The following GAP43 variants were observed in gnomAD, a reference collection of about 807,000 sequenced individuals.
The protein encoded by GAP43 is neuromodulin.
GAP43 carries 6 observed loss-of-function variants against 18.6 expected under a neutral mutation model. The ratio of observed to expected loss-of-function variants is 0.32; its 90% confidence interval spans 0.18 to 0.64. The LOEUF (loss-of-function observed/expected upper bound fraction) is 0.64. GAP43 is among the 30% of genes least tolerant of loss of function. The probability of loss-of-function intolerance (pLI) is 0.78; values close to 1 mark genes in which losing one functional copy is unlikely to be tolerated. For missense variants in GAP43, 292 were observed against 295.5 expected (o/e 0.99, Z 0.09); for synonymous variants, 115 against 111.4 (o/e 1.03, Z -0.20).
intron 1 of GAP43, among the ~76,000 whole-genome samples, chr3:115,629,629 C>T (rs1708237732): frequency 6.6e-6 from 1 of 152,146 alleles, no homozygotes; most frequent in South Asian, 2.1e-4. Flanking sequence ...TCTATTATCA[C>T]TTATTGCACT....
chr3:115,705,437 C>T (rs1709348038), intron 2 of GAP43, among the ~76,000 whole-genome samples: 1 of 152,128 alleles, frequency 6.6e-6, no homozygotes, highest in African/African-American at 2.4e-5. Flanking sequence ...AATATTAACT[C>T]ATCATATATT....
chr3:115,663,879 C>G, intron 1 of GAP43: 1 of 1,552,120 alleles, frequency 6.4e-7, no homozygotes, highest in South Asian at 1.2e-5. Context: ...CGACCTAGTC[C>G]TTATTCACTT....
intron 2 of GAP43, among the ~76,000 whole-genome samples, chr3:115,707,974 G>GAT (rs1425855487): frequency 2.0e-5 from 3 of 150,468 alleles, no homozygotes; most frequent in South Asian, 4.2e-4. Flanking sequence ...AAGCATTCAA[G>GAT]ATATATATAT....
In GAP43 at chr3:115,652,356, CTTTTTTTTTT is replaced by C. The variant is rs71141831; in HGVS notation, c.31-23637_31-23628del. Reference sequence around the variant, plus strand: ...TTCCTGATGATTCTTATCCAGCATTCTTTTTTTTTTTTTTTTTTTTTTTTTTTTTGTGATA... The same window carrying C: ...TTCCTGATGATTCTTATCCAGCATTCTTTTTTTTTTTTTTTTTTTGTGATA... On this transcript the variant is annotated intron_variant, in intron 1 of 2. Coordinates refer to ENST00000305124, the MANE Select transcript of GAP43 (RefSeq NM_002045.4). 1.3e-3 allele frequency among the ~76,000 whole-genome samples: 56 copies of C among 43,806 alleles called. 1 individual carries two copies. Among genetic ancestry groups the C allele is most frequent in the Non-Finnish European group, 1.8e-3 (44 of 24,660 alleles). The allele number at this position is 43,806 out of a possible 152,430, so 28.7% of individuals were successfully genotyped here.
At chr3:115,651,929 C>T (rs1471300613) in intron 1 of GAP43, among the ~76,000 whole-genome samples, 17 of 152,162 alleles carry the variant, frequency 1.1e-4, no homozygotes, top group Admixed American at 1.1e-3. Context: ...TTACTTTCTC[C>T]TCTGTCTTCT....
At chr3:115,657,514 G>C (rs976720985) in intron 1 of GAP43, among the ~76,000 whole-genome samples, 8 of 152,136 alleles carry the variant, frequency 5.3e-5, no homozygotes, top group African/African-American at 1.9e-4. Flanking sequence ...GACTATGCTA[G>C]GAGCTGCTGT....
At chr3:115,683,145 G>GCA (rs1391349178) in intron 2 of GAP43, among the ~76,000 whole-genome samples, 3,191 of 105,434 alleles carry the variant, frequency 0.03, 89 homozygotes, top group East Asian at 0.095. Context: ...GCGCGCGCGC[G>GCA]CGCACACACA....
chr3:115,645,633 TA>T (rs1708450315), intron 1 of GAP43, among the ~76,000 whole-genome samples: 1 of 151,996 alleles, frequency 6.6e-6, no homozygotes, highest in South Asian at 2.1e-4. Context: ...AAAAATGATC[TA>T]AAAGTCCCCA....
chr3:115,710,738 TAA>T lies in GAP43; in HGVS notation c.629-10049_629-10048del, dbSNP rs965609266. Among the ~76,000 whole-genome samples, 29 of 152,104 alleles carry T rather than the reference TAA, an allele frequency of 1.9e-4. 1 individual carries two copies. Among genetic ancestry groups the T allele is most frequent in the East Asian group, 3.9e-4 (2 of 5,168 alleles). ...ATGTCCCTTCACAGTGAAAACTGGG[TAA>T]AAAAAATAGTTAATAATAAAATTCT... On this transcript the variant is annotated intron_variant, in intron 2 of 2. Coordinates refer to ENST00000305124, the MANE Select transcript of GAP43 (RefSeq NM_002045.4).
rs556927503 is a variant in GAP43, at chr3:115,671,463, G to A, written c.31-4550G>A. On this transcript the variant is annotated intron_variant, in intron 1 of 2. Coordinates refer to ENST00000305124, the MANE Select transcript of GAP43 (RefSeq NM_002045.4). ...TGAGATTTTAATGTTTGTTTAAAAA[G>A]TAGGGATGTCCTACACCTTGGTTTC... 2.3e-3 allele frequency among the ~76,000 whole-genome samples: 357 copies of A among 152,258 alleles called. 1 individual carries two copies. The highest frequency in any genetic ancestry group is 7.7e-3 in the South Asian group (37 of 4,828).
chr3:115,637,741 A>G (rs1447916222), intron 1 of GAP43, among the ~76,000 whole-genome samples: 2 of 151,928 alleles, frequency 1.3e-5, no homozygotes, highest in Non-Finnish European at 2.9e-5. Flanking sequence ...TCTACTGGAA[A>G]TATTTTGCTG....
At chr3:115,699,262 G>A (rs1709266454) in intron 2 of GAP43, among the ~76,000 whole-genome samples, 1 of 152,198 alleles carries the variant, frequency 6.6e-6, no homozygotes, top group Admixed American at 6.5e-5. Flanking sequence ...GTGAGAAACA[G>A]TAACAGGGTT....
At chr3:115,683,150 C>T in intron 2 of GAP43, among the ~76,000 whole-genome samples, 1 of 75,262 alleles carries the variant, frequency 1.3e-5, no homozygotes, top group African/African-American at 3.8e-5. Context: ...CGCGCGCGCA[C>T]ACACACACAC....
At chr3:115,694,952 T>C (rs1709165842) in intron 2 of GAP43, among the ~76,000 whole-genome samples, 2 of 152,230 alleles carry the variant, frequency 1.3e-5, no homozygotes, top group African/African-American at 4.8e-5. Context: ...AGGATCATTA[T>C]ACAAATGCGA....
intron 2 of GAP43, among the ~76,000 whole-genome samples, chr3:115,717,669 CTTTT>C (rs56359297): frequency 7.4e-6 from 1 of 135,638 alleles, no homozygotes; most frequent in African/African-American, 2.7e-5. Flanking sequence ...AAGGATTTTG[CTTTT>C]TTTTTTTTTT....
chr3:115,686,441 T>C (rs1252586413), intron 2 of GAP43, among the ~76,000 whole-genome samples: 2 of 152,196 alleles, frequency 1.3e-5, no homozygotes, highest in African/African-American at 4.8e-5. Flanking sequence ...GAAAAGCAAT[T>C]GCTACTGAAG....
intron 2 of GAP43, among the ~76,000 whole-genome samples, chr3:115,685,706 A>T (rs1051984306): frequency 2.0e-5 from 3 of 152,208 alleles, no homozygotes; most frequent in Non-Finnish European, 4.4e-5. Context: ...ATTCTATTCC[A>T]GTTTAAAGGG....
intron 1 of GAP43, among the ~76,000 whole-genome samples, chr3:115,639,430 G>C (rs537872828): frequency 6.6e-6 from 1 of 152,176 alleles, no homozygotes; most frequent in African/African-American, 2.4e-5. Context: ...CCTAAGCTTG[G>C]TGCTGAACAG....
At chr3:115,640,881 T>C (rs775933119) in intron 1 of GAP43, among the ~76,000 whole-genome samples, 84 of 152,120 alleles carry the variant, frequency 5.5e-4, no homozygotes, top group Non-Finnish European at 1.0e-3. Flanking sequence ...TTTCTCCACG[T>C]GAAATTCTCT....
Sources: allele counts gnomAD v4.1 joint callset (sites outside exome capture counted in the v4.1 genomes callset), GRCh38; gene constraint gnomAD v4.1.1; transcripts MANE v1.5; gene names NCBI Gene and HGNC (gene_info 2026-07-23, HGNC 2026-07-21).